IL2RB: variants seen among roughly 807,000 people sequenced by gnomAD.
IL2RB encodes the protein interleukin-2 receptor subunit beta.
A neutral mutation model predicts 44.2 loss-of-function variants in IL2RB; 17 were observed. The observed-to-expected ratio is 0.38, with a 90% CI of 0.26 to 0.58. The LOEUF (loss-of-function observed/expected upper bound fraction) is 0.58. IL2RB is among the 20% of genes least tolerant of loss of function. The pLI is 0.63. For missense variants in IL2RB, 624 were observed against 685.5 expected (o/e 0.91, Z 1.00); for synonymous variants, 286 against 297.9 (o/e 0.96, Z 0.41).
upstream of IL2RB, among the ~76,000 whole-genome samples, chr22:37,150,928 G>GTA (rs1922464865): frequency 6.6e-6 from 1 of 152,204 alleles, no homozygotes; most frequent in Non-Finnish European, 1.5e-5. Flanking sequence ...TGGCTGAATA[G>GTA]TACTCCATTG....
rs558280016 is a variant in IL2RB at position 37,156,051 on chromosome 22, C to T, written c.-33-11846G>A. Reference sequence around the variant, plus strand: ...CTCCTCAGTCCTGGTATCTGCCAAACGCCCTACCCGTCCTCCCTCTGCTCA... The same window carrying T: ...CTCCTCAGTCCTGGTATCTGCCAAATGCCCTACCCGTCCTCCCTCTGCTCA... On this transcript the variant is annotated intron_variant, in intron 1 of 5. Coordinates refer to the IL2RB transcript ENST00000429622. Among the ~76,000 whole-genome samples, 9 of 152,210 alleles carry T rather than the reference C, an allele frequency of 5.9e-5. No individual in the cohort carries two copies. The South Asian group carries it at 6.2e-4, about 11-fold the overall frequency.
At position 37,142,467 on chromosome 22, in the gene IL2RB, G is replaced by A. The variant is rs1286960736; in HGVS notation, c.249C>T (p.Ser83=). 1.9e-6 allele frequency: 3 copies of A among 1,614,164 alleles called. No homozygotes were observed. The highest frequency in any genetic ancestry group is 1.7e-5 in the Admixed American group (1 of 60,020). ...TCELLPVSQA[S]WACNLILGAP... ...CTCCGAGGATCAGGTTGCAGGCCCA[G>A]GATGCTTGACTCACGGGGAGCAGCT... The change falls in exon 4 of 10, where the codon TCC becomes TCT. Residue 83 remains serine (S), a synonymous_variant. Coordinates refer to ENST00000216223, the MANE Select transcript of IL2RB (RefSeq NM_000878.5).
At chr22:37,147,129 C>G (rs1922262929) in intron 1 of IL2RB, among the ~76,000 whole-genome samples, 1 of 152,220 alleles carries the variant, frequency 6.6e-6, no homozygotes, top group Non-Finnish European at 1.5e-5. Context: ...CTGCCACCCC[C>G]TTAGTCACAC....
intron 1 of IL2RB, among the ~76,000 whole-genome samples, chr22:37,156,325 T>A (rs1243061923): frequency 6.6e-6 from 1 of 152,218 alleles, no homozygotes; most frequent in Non-Finnish European, 1.5e-5. Context: ...CCAGTTAGGA[T>A]GAAGTTCAGC....
At chr22:37,166,607 C>T (rs915817470) in intron 1 of IL2RB, 17 of 152,268 alleles carry the variant, frequency 1.1e-4, no homozygotes, top group African/African-American at 4.1e-4. Context: ...TACCTCGGGA[C>T]TTTGCATGCA....
intron 1 of IL2RB, among the ~76,000 whole-genome samples, chr22:37,167,838 A>G (rs1196444444): frequency 2.0e-5 from 3 of 152,230 alleles, no homozygotes; most frequent in Non-Finnish European, 4.4e-5. Context: ...GCTTTGTGTG[A>G]CAAATGCATT....
rs1255377132 is a variant in IL2RB, at chr22:37,141,547, AG to A, written c.282+886del. ...AGGTAGCCAGGAGCTCTCCTGGGGC[AG>A]CTGCAGCTGCCCAAGCCAGGACCCA... On this transcript the variant is annotated intron_variant, in intron 4 of 9. Coordinates refer to ENST00000216223, the MANE Select transcript of IL2RB (RefSeq NM_000878.5). This position sits in a 1 kb window ranked among gnomAD's most constrained non-coding sequence, Gnocchi z 4.4. Among the ~76,000 whole-genome samples, 14 of 151,824 alleles carry A rather than the reference AG, an allele frequency of 9.2e-5. No homozygotes were observed. The highest frequency in any genetic ancestry group is 2.7e-4 in the African/African-American group (11 of 41,414).
rs1474017697 is a variant in IL2RB, at chr22:37,128,002, G to A, written c.*94C>T. The A allele has an allele frequency of 1.3e-5, 14 of 1,051,146 alleles. No individual in the cohort carries two copies. The highest frequency in any genetic ancestry group is 3.3e-5 in the African/African-American group (2 of 59,848). 65.1% of individuals were successfully genotyped at this position (1,051,146 alleles called of 1,614,324 possible). ...AAGTCCAGCTGCAACTGGACACTGA[G>A]TGTCCTCAGCAGTGGACTGAGGACC... On this transcript the variant is annotated 3_prime_UTR_variant, in exon 10 of 10. Coordinates refer to ENST00000216223, the MANE Select transcript of IL2RB (RefSeq NM_000878.5). The surrounding 1 kb of genome is among the most constrained non-coding windows in gnomAD (Gnocchi z 4.5).
At chr22:37,158,895 A>C (rs1037903590) in intron 1 of IL2RB, among the ~76,000 whole-genome samples, 1 of 152,164 alleles carries the variant, frequency 6.6e-6, no homozygotes. Flanking sequence ...CGTCTTCACT[A>C]TGCTGAGAGC....
intron 1 of IL2RB, among the ~76,000 whole-genome samples, chr22:37,156,504 C>A (rs1231203914): frequency 1.3e-5 from 2 of 152,188 alleles, no homozygotes; most frequent in African/African-American, 4.8e-5. Flanking sequence ...AGGGTCTCTT[C>A]AATATCCTTC....
chr22:37,160,915 G>T (rs541070717), intron 1 of IL2RB, among the ~76,000 whole-genome samples: 2 of 152,190 alleles, frequency 1.3e-5, no homozygotes, highest in East Asian at 3.9e-4. Flanking sequence ...GCCAAGGCAG[G>T]TGGATCACCT....
At chr22:37,138,291 G>A (rs114760582) in intron 5 of IL2RB, among the ~76,000 whole-genome samples, 1 of 152,230 alleles carries the variant, frequency 6.6e-6, no homozygotes, top group Non-Finnish European at 1.5e-5. Context: ...AACCACATAA[G>A]TGATAAGCAG....
intron 1 of IL2RB, among the ~76,000 whole-genome samples, chr22:37,159,588 G>A (rs1922791139): frequency 6.6e-6 from 1 of 152,164 alleles, no homozygotes; most frequent in African/African-American, 2.4e-5. Context: ...CTGCCTCTTG[G>A]AGTCCTAGCA....
intron 4 of IL2RB, 116 bp from the exon 5 acceptor site, chr22:37,139,338 G>A (rs1172446521): frequency 3.2e-5 from 21 of 665,900 alleles, no homozygotes. Flanking sequence ...CGCCACCCAA[G>A]GCAGGGGCAG....
intron 1 of IL2RB, among the ~76,000 whole-genome samples, chr22:37,172,455 C>T (rs998685812): frequency 2.0e-5 from 3 of 152,024 alleles, no homozygotes; most frequent in African/African-American, 7.3e-5. Flanking sequence ...CCCTTGGAGC[C>T]GTCAACCATC....
intron 1 of IL2RB, among the ~76,000 whole-genome samples, chr22:37,164,837 T>C (rs970385591): frequency 3.9e-5 from 6 of 152,200 alleles, no homozygotes; most frequent in Non-Finnish European, 8.8e-5. Context: ...GTAACTCCTC[T>C]AGCCCTTACT....
Position 37,160,679 on chromosome 22 carries a change from C to CAAAAAAAAAAAAAAAAAA in IL2RB, c.-34+14261_-34+14278dup, listed in dbSNP as rs10605445. Among the ~76,000 whole-genome samples the CAAAAAAAAAAAAAAAAAA allele has an allele frequency of 3.7e-4, 51 of 136,012 alleles. 1 individual carries two copies. Among genetic ancestry groups the CAAAAAAAAAAAAAAAAAA allele is most frequent in the African/African-American group, 1.5e-3 (50 of 34,404 alleles). 89.2% of individuals were successfully genotyped at this position (136,012 alleles called of 152,430 possible). On this transcript the variant is annotated intron_variant, in intron 1 of 5. Transcript: ENST00000429622. ...CAACATGCCGAAACCCTGTCTATGC[C>CAAAAAAAAAAAAAAAAAA]AAAAAAAAAAAAAAAAAAATTTAGC...
chr22:37,138,061 C>A (rs972479428), intron 5 of IL2RB, among the ~76,000 whole-genome samples: 2 of 152,190 alleles, frequency 1.3e-5, no homozygotes, highest in Non-Finnish European at 2.9e-5. Flanking sequence ...TCCTTGAGGG[C>A]AGGGACTTGG....
intron 1 of IL2RB, among the ~76,000 whole-genome samples, chr22:37,172,396 C>A (rs1923320640): frequency 6.6e-6 from 1 of 152,114 alleles, no homozygotes; most frequent in South Asian, 2.1e-4. Context: ...GTCCTGCTTC[C>A]CAAATCTGCA....
Sources: allele counts gnomAD v4.1 joint callset (sites outside exome capture counted in the v4.1 genomes callset), GRCh38; gene constraint gnomAD v4.1.1; non-coding constraint Gnocchi (gnomAD v3.1); transcripts MANE v1.5; gene names NCBI Gene and HGNC (gene_info 2026-07-23, HGNC 2026-07-21).